The following PHACTR1 variants were observed in gnomAD, a reference collection of about 807,000 sequenced individuals.
PHACTR1 encodes phosphatase and actin regulator 1.
In PHACTR1, 16 loss-of-function variants were observed where a neutral mutation model predicts 69.2. The ratio of observed to expected loss-of-function variants is 0.23; its 90% CI spans 0.16 to 0.35. PHACTR1 has a LOEUF of 0.35. PHACTR1 is among the 10% of genes least tolerant of loss of function. The pLI is 1.00. For missense variants in PHACTR1, 510 were observed against 734.7 expected, an observed-to-expected ratio of 0.69 and a Z score of 3.54; for synonymous variants, 312 against 284.5, an observed-to-expected ratio of 1.10 and a Z score of -0.97.
At chr6:12,865,417 A>G (rs9296495) in intron 4 of PHACTR1, among the ~76,000 whole-genome samples, 76,586 of 151,904 alleles carry the variant, frequency 0.5, 21,301 homozygotes, top group East Asian at 0.81. Flanking sequence ...CTAGATTCCA[A>G]TATGAGGCTA....
At chr6:13,178,037 G>A (rs1044385604) in intron 6 of PHACTR1, among the ~76,000 whole-genome samples, 5 of 152,194 alleles carry the variant, frequency 3.3e-5, no homozygotes, top group African/African-American at 1.2e-4. Flanking sequence ...GGAGAGTAAG[G>A]CTGGCACAAT....
intron 5 of PHACTR1, among the ~76,000 whole-genome samples, chr6:13,106,386 C>T (rs948742711): frequency 2.0e-5 from 3 of 152,172 alleles, no homozygotes; most frequent in Non-Finnish European, 4.4e-5. Context: ...CATCCTTGCC[C>T]TGTTGCTGTT....
At chr6:12,726,336 C>T (rs554074517) in intron 3 of PHACTR1, among the ~76,000 whole-genome samples, 10 of 152,306 alleles carry the variant, frequency 6.6e-5, no homozygotes, top group East Asian at 3.9e-4. Context: ...ACTCTTACTA[C>T]GGTGAGCTTA....
At chr6:12,901,075 T>C (rs930375655) in intron 4 of PHACTR1, among the ~76,000 whole-genome samples, 7 of 152,286 alleles carry the variant, frequency 4.6e-5, no homozygotes, top group Admixed American at 3.3e-4. Flanking sequence ...CAGGAGCCCA[T>C]TCCAGGCATG....
At chr6:12,884,623 G>A (rs568935638) in intron 4 of PHACTR1, among the ~76,000 whole-genome samples, 3 of 152,120 alleles carry the variant, frequency 2.0e-5, no homozygotes, top group South Asian at 2.1e-4. Context: ...GGATGGTCTC[G>A]ATCTCCTGAC....
chr6:12,955,767 T>G (rs1397823023), intron 4 of PHACTR1, among the ~76,000 whole-genome samples: 1 of 152,168 alleles, frequency 6.6e-6, no homozygotes, highest in African/African-American at 2.4e-5. Context: ...ATTCAGGTTT[T>G]CAGGTTTACA....
chr6:12,861,863 A>C (rs764986825), intron 4 of PHACTR1, among the ~76,000 whole-genome samples: 3 of 152,234 alleles, frequency 2.0e-5, no homozygotes, highest in Non-Finnish European at 4.4e-5. Flanking sequence ...CTTGGAAATA[A>C]ATACATATAT....
chr6:13,022,780 G>A (rs1412458734), intron 4 of PHACTR1, among the ~76,000 whole-genome samples: 1 of 152,174 alleles, frequency 6.6e-6, no homozygotes, highest in African/African-American at 2.4e-5. Context: ...ACCTTGGGAG[G>A]CTGAGATGGG....
intron 4 of PHACTR1, among the ~76,000 whole-genome samples, chr6:12,978,547 C>T (rs942204121): frequency 4.6e-5 from 7 of 152,182 alleles, no homozygotes; most frequent in Non-Finnish European, 8.8e-5. Flanking sequence ...TGATGTCTCT[C>T]GGGCTCCCCA....
chr6:13,257,053 A>C (rs1671587426), intron 10 of PHACTR1, among the ~76,000 whole-genome samples: 1 of 152,232 alleles, frequency 6.6e-6, no homozygotes, highest in Non-Finnish European at 1.5e-5. Flanking sequence ...AAAGAGATTG[A>C]ATTGGCTCCT....
At chr6:12,836,787 CA>C (rs1395629770) in intron 4 of PHACTR1, among the ~76,000 whole-genome samples, 2 of 152,112 alleles carry the variant, frequency 1.3e-5, no homozygotes, top group Non-Finnish European at 1.5e-5. Flanking sequence ...ACAACCTGAA[CA>C]TCATGAAATG....
intron 4 of PHACTR1, among the ~76,000 whole-genome samples, chr6:12,953,584 C>T (rs1386582047): frequency 3.9e-5 from 6 of 152,184 alleles, no homozygotes; most frequent in East Asian, 1.9e-4. Context: ...GACCTAAAAA[C>T]ACTGGCTGAA....
intron 4 of PHACTR1, among the ~76,000 whole-genome samples, chr6:12,770,624 A>G (rs1239043745): frequency 4.6e-5 from 7 of 152,220 alleles, no homozygotes; most frequent in African/African-American, 1.2e-4. Context: ...ACAAGATTGT[A>G]TATGTATTCC....
At chr6:12,761,923 G>A (rs985535938) in intron 4 of PHACTR1, among the ~76,000 whole-genome samples, 12 of 152,204 alleles carry the variant, frequency 7.9e-5, no homozygotes, top group African/African-American at 2.9e-4. Flanking sequence ...AGTTCGCACA[G>A]CTGTGAAGCC....
chr6:13,006,857 G>T (rs1440011432), intron 4 of PHACTR1, among the ~76,000 whole-genome samples: 2 of 152,178 alleles, frequency 1.3e-5, no homozygotes, highest in Non-Finnish European at 2.9e-5. Context: ...GGAAGCCATA[G>T]CTGCTATCTT....
intron 4 of PHACTR1, among the ~76,000 whole-genome samples, chr6:12,772,460 A>G (rs1443066089): frequency 6.6e-6 from 1 of 152,160 alleles, no homozygotes; most frequent in Non-Finnish European, 1.5e-5. Flanking sequence ...AAATATTGAG[A>G]TTCAATGGAC....
At chr6:13,248,726 C>T (rs1386699812) in intron 10 of PHACTR1, among the ~76,000 whole-genome samples, 3 of 152,142 alleles carry the variant, frequency 2.0e-5, no homozygotes, top group South Asian at 2.1e-4. Context: ...CTTTAGCTGC[C>T]GTAAGTGGAG....
intron 4 of PHACTR1, among the ~76,000 whole-genome samples, chr6:12,920,609 T>C (rs540636665): frequency 1.0e-3 from 156 of 152,370 alleles, no homozygotes; most frequent in African/African-American, 3.6e-3. Flanking sequence ...TGAGGCAGAA[T>C]GCAATATTGA....
intron 7 of PHACTR1, among the ~76,000 whole-genome samples, chr6:13,196,735 A>G (rs749934057): frequency 3.3e-5 from 5 of 152,168 alleles, no homozygotes; most frequent in Non-Finnish European, 7.4e-5. Context: ...ACTAGTTTTC[A>G]ATACCGATGT....
Sources: gnomAD v4.1 joint callset for allele counts (sites outside exome capture counted in the v4.1 genomes callset) on GRCh38, gnomAD v4.1.1 for gene constraint, MANE v1.5 for transcripts, NCBI Gene and HGNC (gene_info 2026-07-23, HGNC 2026-07-21) for gene names.